Variants in KCNU1 observed in about 807,000 individuals in gnomAD.
The protein encoded by KCNU1 is potassium calcium-activated channel subfamily U member 1, also known as potassium channel subfamily U member 1.
KCNU1 carries 93 observed loss-of-function variants against 126.8 expected under a neutral mutation model. The ratio of observed to expected loss-of-function variants is 0.73; its 90% confidence interval spans 0.62 to 0.87. KCNU1 has a LOEUF of 0.87. KCNU1 is among the 40% of genes least tolerant of loss of function. The probability of loss-of-function intolerance (pLI) is 0.00; values close to 1 mark genes in which losing one functional copy is unlikely to be tolerated. For synonymous variants in KCNU1, 523 were observed against 494.2 expected, an observed-to-expected ratio of 1.06 and a Z score of -0.77; for missense variants, 1,330 against 1,367.1, an observed-to-expected ratio of 0.97 and a Z score of 0.43.
chr8:36,873,346 C>A (rs1806170736), intron 19 of KCNU1, among the ~76,000 whole-genome samples: 1 of 151,796 alleles, frequency 6.6e-6, no homozygotes, highest in African/African-American at 2.4e-5. Context: ...GCTCCTAAGA[C>A]CACGCCAGTT....
At chr8:36,890,284 T>C (rs1054374381) in intron 19 of KCNU1, among the ~76,000 whole-genome samples, 2 of 152,060 alleles carry the variant, frequency 1.3e-5, no homozygotes, top group African/African-American at 2.4e-5. Context: ...AATATAACTG[T>C]TTAAGGTATT....
chr8:36,901,973 T>C (rs1400557290), intron 19 of KCNU1, among the ~76,000 whole-genome samples: 2 of 152,156 alleles, frequency 1.3e-5, no homozygotes, highest in African/African-American at 2.4e-5. Context: ...GTTCTAAGAC[T>C]GCTAGTGCTG....
At chr8:36,924,913 T>C (rs1031447169) in intron 24 of KCNU1, among the ~76,000 whole-genome samples, 1 of 152,058 alleles carries the variant, frequency 6.6e-6, no homozygotes, top group Non-Finnish European at 1.5e-5. Context: ...ACAGATTTTA[T>C]TTAGAGTTGA....
In KCNU1 at chr8:36,845,688, G is replaced by A. The variant is rs2130595727; in HGVS notation, c.1793+19G>A. ...TCAGAAGGTAATTTTATTATTTTAT[G>A]GGGGAAAAGCACTAAAGCAACTACA... On this transcript the variant is annotated intron_variant, in intron 17 of 26. Coordinates refer to ENST00000399881, the MANE Select transcript of KCNU1 (RefSeq NM_001031836.3). The A allele has an allele frequency of 1.3e-6, 2 of 1,559,476 alleles. No homozygotes were observed. The highest frequency in any genetic ancestry group is 2.2e-5 in the East Asian group (1 of 44,536).
chr8:36,792,736 A>G (rs1802948595), intron 2 of KCNU1, among the ~76,000 whole-genome samples: 1 of 152,214 alleles, frequency 6.6e-6, no homozygotes, highest in African/African-American at 2.4e-5. Context: ...ATGAGCTAAA[A>G]TATAAGAATG....
chr8:36,926,647 G>A lies in KCNU1; in HGVS notation c.2736+4018G>A, dbSNP rs115575754. ...CAATTTCCAGCCAGAAGTCTGGTGC[G>A]GGAGGCAGGAGTCAGTCATTTTGCC... On this transcript the variant is annotated intron_variant, in intron 24 of 26. Coordinates refer to ENST00000399881, the MANE Select transcript of KCNU1 (RefSeq NM_001031836.3). 2.7e-3 allele frequency among the ~76,000 whole-genome samples: 411 copies of A among 152,204 alleles called. 2 individuals are homozygous for A. Among genetic ancestry groups the A allele is most frequent in the African/African-American group, 9.4e-3 (389 of 41,534 alleles).
chr8:36,875,197 A>G, intron 19 of KCNU1, among the ~76,000 whole-genome samples: 1 of 151,972 alleles, frequency 6.6e-6, no homozygotes, highest in East Asian at 1.9e-4. Flanking sequence ...GCATTTTATT[A>G]GGATTGATAG....
chr8:36,874,463 A>C (rs894238498), intron 19 of KCNU1, among the ~76,000 whole-genome samples: 1 of 152,058 alleles, frequency 6.6e-6, no homozygotes, highest in East Asian at 1.9e-4. Flanking sequence ...TGGGAACGCC[A>C]CTCTACCCTC....
At chr8:36,827,733 A>T (rs1482522167) in intron 10 of KCNU1, among the ~76,000 whole-genome samples, 1 of 152,196 alleles carries the variant, frequency 6.6e-6, no homozygotes, top group Non-Finnish European at 1.5e-5. Flanking sequence ...GCTGATGGTC[A>T]TGTATCACAT....
chr8:36,897,526 G>A (rs929196499), intron 19 of KCNU1, among the ~76,000 whole-genome samples: 5 of 151,986 alleles, frequency 3.3e-5, no homozygotes, highest in African/African-American at 1.2e-4. Flanking sequence ...GAAAGCTGAG[G>A]AATTAATGAC....
intron 24 of KCNU1, chr8:36,929,057 T>C (rs1355924620): frequency 2.9e-6 from 2 of 696,522 alleles, no homozygotes; most frequent in Admixed American, 2.0e-5. Flanking sequence ...AGTATTGCCA[T>C]GTCAACTTTA....
intron 10 of KCNU1, among the ~76,000 whole-genome samples, chr8:36,825,988 G>A (rs1804304925): frequency 6.6e-6 from 1 of 151,904 alleles, no homozygotes; most frequent in South Asian, 2.1e-4. Context: ...TTCCTATGAT[G>A]TGTATAGGTT....
chr8:36,914,894 G>C (rs1044947900), intron 22 of KCNU1, among the ~76,000 whole-genome samples: 2 of 152,194 alleles, frequency 1.3e-5, no homozygotes, highest in Non-Finnish European at 2.9e-5. Flanking sequence ...CAGGCTGGAA[G>C]ATTTCAGGTA....
At chr8:36,833,380 A>G (rs972518742) in intron 10 of KCNU1, among the ~76,000 whole-genome samples, 174 bp from the exon 11 acceptor site, 1 of 152,162 alleles carries the variant, frequency 6.6e-6, no homozygotes, top group Non-Finnish European at 1.5e-5. Flanking sequence ...TAAATAGTGA[A>G]CTTCTTCATC....
intron 23 of KCNU1, among the ~76,000 whole-genome samples, chr8:36,919,606 G>A (rs1321605744): frequency 6.6e-6 from 1 of 152,080 alleles, no homozygotes; most frequent in Non-Finnish European, 1.5e-5. Context: ...ACCAGGGGAC[G>A]CATTGCGTCT....
intron 24 of KCNU1, chr8:36,922,956 C>G: frequency 2.0e-6 from 1 of 490,972 alleles, no homozygotes; most frequent in South Asian, 1.5e-5. Context: ...ATACCACTTT[C>G]CCTTCTCTCT....
chr8:36,904,531 G>A (rs941374337), intron 19 of KCNU1, among the ~76,000 whole-genome samples: 2 of 152,142 alleles, frequency 1.3e-5, no homozygotes, highest in Non-Finnish European at 2.9e-5. Context: ...AAATAAGGGT[G>A]GGTAGTCTTT....
chr8:36,836,371 G>C lies in KCNU1; in HGVS notation c.1365+6G>C, dbSNP rs375869759. ...TACTGCAATCCCATAACAAGGTATAGTAACATTCTAGCATATTCCATCTCC... is the reference window on the plus strand; with the variant it reads ...TACTGCAATCCCATAACAAGGTATACTAACATTCTAGCATATTCCATCTCC... On this transcript the variant is annotated splice_donor_region_variant and intron_variant, in intron 13 of 26. Transcript: ENST00000399881. 5.1e-6 allele frequency: 8 copies of C among 1,562,770 alleles called. No individual in the cohort carries two copies. Among genetic ancestry groups the C allele is most frequent in the Non-Finnish European group, 7.0e-6 (8 of 1,135,650 alleles).
chr8:36,826,794 G>T (rs189184790), intron 10 of KCNU1, among the ~76,000 whole-genome samples: 3 of 151,986 alleles, frequency 2.0e-5, no homozygotes, highest in African/African-American at 2.4e-5. Flanking sequence ...TGTCATGAGG[G>T]TTTGTTGTAC....
Sources: allele counts gnomAD v4.1 joint callset (sites outside exome capture counted in the v4.1 genomes callset), GRCh38; gene constraint gnomAD v4.1.1; transcripts MANE v1.5; gene names NCBI Gene and HGNC (gene_info 2026-07-23, HGNC 2026-07-21).